SMG6: variants seen among roughly 807,000 people sequenced by gnomAD.
SMG6 encodes the protein SMG6 nonsense mediated mRNA decay factor, also known as telomerase-binding protein EST1A.
In SMG6, 66 loss-of-function variants were observed where a neutral mutation model predicts 142.2. The ratio of observed to expected loss-of-function variants is 0.46; its 90% confidence interval spans 0.38 to 0.57. The LOEUF is 0.57. Ranked by LOEUF, SMG6 falls within the 20% of genes least tolerant of loss-of-function variation. SMG6 has a pLI of 0.00. For missense variants in SMG6, 1,793 were observed against 1,832.0 expected (o/e 0.98, Z 0.39); for synonymous variants, 779 against 702.4 (o/e 1.11, Z -1.72).
intron 13 of SMG6, among the ~76,000 whole-genome samples, chr17:2,148,242 A>G (rs2070727283): frequency 6.6e-6 from 1 of 152,238 alleles, no homozygotes; most frequent in Admixed American, 6.5e-5. Context: ...CAACCATAGG[A>G]TTCAGCAATT....
rs545020284 is a variant in SMG6 at position 2,130,997 on chromosome 17, C to G, written c.3357+41661G>C. ...CAGCCTGGACGACAAGAGCAAGACTCCGTCTTTAAAAAAAGATCAAATGAC... is the reference window on the plus strand; with the variant it reads ...CAGCCTGGACGACAAGAGCAAGACTGCGTCTTTAAAAAAAGATCAAATGAC... On this transcript the variant is annotated intron_variant, in intron 13 of 18. Transcript: ENST00000263073. Among the ~76,000 whole-genome samples the G allele has an allele frequency of 1.1e-4, 16 of 152,148 alleles. No homozygotes were observed. In the South Asian group the frequency reaches 2.3e-3, roughly 22 times the overall value.
At chr17:2,084,725 G>T (rs868585022) in intron 14 of SMG6, among the ~76,000 whole-genome samples, 1 of 152,190 alleles carries the variant, frequency 6.6e-6, no homozygotes, top group African/African-American at 2.4e-5. Context: ...AATCGCTTCC[G>T]TCCCTTCCCT....
intron 13 of SMG6, among the ~76,000 whole-genome samples, chr17:2,134,049 G>A (rs1281644195): frequency 6.6e-6 from 1 of 152,040 alleles, no homozygotes; most frequent in African/African-American, 2.4e-5. Context: ...GTATGTTTAG[G>A]CCTCTTATTC....
chr17:2,279,529 C>A (rs2074736383), intron 8 of SMG6, among the ~76,000 whole-genome samples: 1 of 152,028 alleles, frequency 6.6e-6, no homozygotes, highest in Non-Finnish European at 1.5e-5. Context: ...CAGAAGAGGA[C>A]CAGGAATAAA....
chr17:2,129,818 A>G lies in SMG6; in HGVS notation c.3357+42840T>C, dbSNP rs1040401446. Among the ~76,000 whole-genome samples, 168 of 144,020 alleles carry G rather than the reference A, an allele frequency of 1.2e-3. 1 individual carries two copies. The highest frequency in any genetic ancestry group is 2.4e-3 in the Admixed American group (34 of 14,270). 94.5% of individuals were successfully genotyped at this position (144,020 alleles called of 152,430 possible). On this transcript the variant is annotated intron_variant, in intron 13 of 18. Transcript: ENST00000263073. ...CAAAAAAAAAAAAAAAAAAAAAAAA[A>G]AAAGAAATCCATGACAAATAGATTT...
At chr17:2,108,368 G>A (rs756156870) in intron 13 of SMG6, among the ~76,000 whole-genome samples, 1 of 152,184 alleles carries the variant, frequency 6.6e-6, no homozygotes, top group Non-Finnish European at 1.5e-5. Flanking sequence ...TGTAATCCCA[G>A]GCCTTTGAAA....
intron 8 of SMG6, among the ~76,000 whole-genome samples, chr17:2,248,947 C>T (rs574595701): frequency 6.6e-6 from 1 of 151,600 alleles, no homozygotes; most frequent in South Asian, 2.1e-4. Context: ...AGTGCAGTGG[C>T]GCTATCTCAG....
chr17:2,122,666 G>A (rs1204569188), intron 13 of SMG6, among the ~76,000 whole-genome samples: 2 of 152,204 alleles, frequency 1.3e-5, no homozygotes, highest in African/African-American at 4.8e-5. Context: ...GAAGCCGCGA[G>A]CCACTTAGCC....
intron 13 of SMG6, among the ~76,000 whole-genome samples, chr17:2,138,939 C>T (rs2070387722): frequency 6.6e-6 from 1 of 152,136 alleles, no homozygotes; most frequent in Admixed American, 6.5e-5. Context: ...TGAAACAAAG[C>T]CATCACCTAA....
intron 10 of SMG6, among the ~76,000 whole-genome samples, chr17:2,210,779 A>T (rs528834631): frequency 1.4e-4 from 21 of 151,944 alleles, no homozygotes; most frequent in Admixed American, 7.2e-4. Flanking sequence ...TAAAATAAAA[A>T]AAAAAGCAAG....
intron 10 of SMG6, among the ~76,000 whole-genome samples, chr17:2,189,103 T>G (rs922918469): frequency 2.0e-5 from 3 of 152,228 alleles, no homozygotes; most frequent in Non-Finnish European, 4.4e-5. Flanking sequence ...GTTAATTTTA[T>G]GCAGAACAGT....
chr17:2,105,892 C>T (rs977115410), intron 13 of SMG6, among the ~76,000 whole-genome samples: 1 of 152,202 alleles, frequency 6.6e-6, no homozygotes, highest in African/African-American at 2.4e-5. Flanking sequence ...GTTGTCTGCA[C>T]CACAGCCTTG....
At chr17:2,301,826 ATACT>A (rs952964460) in intron 1 of SMG6, among the ~76,000 whole-genome samples, 9 of 151,990 alleles carry the variant, frequency 5.9e-5, no homozygotes, top group South Asian at 2.1e-4. Flanking sequence ...CAGCGGACAG[ATACT>A]TACTTAAGTA....
intron 13 of SMG6, among the ~76,000 whole-genome samples, chr17:2,116,052 A>C (rs1478994055): frequency 6.6e-6 from 1 of 152,084 alleles, no homozygotes; most frequent in Non-Finnish European, 1.5e-5. Flanking sequence ...ACTTTTAATA[A>C]AAATATATCT....
At chr17:2,168,205 A>AT (rs1567653710) in intron 13 of SMG6, among the ~76,000 whole-genome samples, 1 of 151,022 alleles carries the variant, frequency 6.6e-6, no homozygotes, top group Non-Finnish European at 1.5e-5. Context: ...TTATTTATTT[A>AT]TTTTTTGAGA....
At chr17:2,151,436 C>G (rs561555497) in intron 13 of SMG6, among the ~76,000 whole-genome samples, 3 of 150,914 alleles carry the variant, frequency 2.0e-5, no homozygotes, top group East Asian at 1.9e-4. Flanking sequence ...CTGAGATTCA[C>G]GAAGGCTCAG....
chr17:2,219,935 T>G (rs1385363672), intron 10 of SMG6, among the ~76,000 whole-genome samples: 3 of 152,206 alleles, frequency 2.0e-5, no homozygotes, highest in Non-Finnish European at 4.4e-5. Context: ...TTTATTTATT[T>G]ATTTGAGACA....
chr17:2,186,256 C>CAAAAAAAA (rs397771010), intron 12 of SMG6, among the ~76,000 whole-genome samples: 3 of 111,190 alleles, frequency 2.7e-5, no homozygotes, highest in Non-Finnish European at 2.0e-5. Context: ...TACCCTGTTT[C>CAAAAAAAA]AAAAAAAAAA....
At chr17:2,279,955 C>T (rs1235160882) in intron 8 of SMG6, among the ~76,000 whole-genome samples, 1 of 152,172 alleles carries the variant, frequency 6.6e-6, no homozygotes, top group African/African-American at 2.4e-5. Context: ...CTCCCACGGC[C>T]TCTCATGCTT....
Sources: allele counts gnomAD v4.1 joint callset (sites outside exome capture counted in the v4.1 genomes callset), GRCh38; gene constraint gnomAD v4.1.1; transcripts MANE v1.5; gene names NCBI Gene and HGNC (gene_info 2026-07-23, HGNC 2026-07-21).